The following MANSC4 variants were observed in gnomAD, a reference collection of about 807,000 sequenced individuals.
MANSC4 encodes the protein MANSC domain containing 4, also known as MANSC domain-containing protein 4.
Under a neutral mutation model 11.4 loss-of-function variants are expected in MANSC4, and 11 were observed. The observed-to-expected ratio is 0.97, with a 90% CI of 0.61 to 1.60. The LOEUF (loss-of-function observed/expected upper bound fraction) is 1.60, where lower values mean the gene tolerates loss of function less well. Ranked by LOEUF, MANSC4 falls within the 40% of genes most tolerant of loss-of-function variation. The pLI is 0.00. For missense variants in MANSC4, 354 were observed against 404.6 expected (o/e 0.88, Z 1.07); for synonymous variants, 123 against 147.1 (o/e 0.84, Z 1.19).
intron 1 of MANSC4, among the ~76,000 whole-genome samples, chr12:27,776,583 A>T (rs1238916270): frequency 6.6e-6 from 1 of 151,958 alleles, no homozygotes; most frequent in Non-Finnish European, 1.5e-5. Flanking sequence ...TGTAAGAATT[A>T]ACCGGGCATA....
Position 27,771,497 on chromosome 12 carries a change from C to T in MANSC4, c.-221G>A, listed in dbSNP as rs1014775665. Reference sequence around the variant, plus strand: ...GGTGAACATTTGATTTGCTGGCATTCTTTCTGAACACTTTCCAGGCTATTT... The same window carrying T: ...GGTGAACATTTGATTTGCTGGCATTTTTTCTGAACACTTTCCAGGCTATTT... On this transcript the variant is annotated 5_prime_UTR_variant, in exon 2 of 4. Coordinates refer to ENST00000381273, the MANE Select transcript of MANSC4 (RefSeq NM_001146221.5). Among the ~76,000 whole-genome samples, 1 of 152,220 alleles carries T rather than the reference C, an allele frequency of 6.6e-6. No individual in the cohort carries two copies. Among genetic ancestry groups the T allele is most frequent in the African/African-American group, 2.4e-5 (1 of 41,472 alleles).
At position 27,762,887 on chromosome 12, in the gene MANSC4, A is replaced by G; in HGVS notation, c.874T>C (p.Cys292Arg). 1 of 1,552,168 alleles carries G rather than the reference A, an allele frequency of 6.4e-7. No homozygotes were observed. The highest frequency in any genetic ancestry group is 2.4e-5 in the East Asian group (1 of 40,924). Residue 292 changes from cysteine to arginine, a missense_variant, in exon 4 of 4, where the codon TGC becomes CGC. Cys to Arg is a radical substitution (Grantham distance 180, BLOSUM62 -3). Transcript: ENST00000381273. The stretch of plus-strand genomic sequence containing the variant: ...CAGCCGAGAAAGATGACAGAGGTGC[A>G]AAGGGCCACAGAAACCAGCCAAGTC... ...SKTWLVSVAL[C>R]TSVIFLGCCI...
chr12:27,766,432 G>C (rs535096937), intron 3 of MANSC4, among the ~76,000 whole-genome samples: 2 of 152,288 alleles, frequency 1.3e-5, no homozygotes, highest in South Asian at 4.1e-4. Flanking sequence ...GTAAGCTCTT[G>C]TTCAATCATG....
chr12:27,773,655 C>T lies in MANSC4; in HGVS notation c.-306-2073G>A, dbSNP rs530614828. Among the ~76,000 whole-genome samples the T allele has an allele frequency of 2.0e-5, 3 of 152,270 alleles. No individual in the cohort carries two copies. The South Asian group carries it at 6.2e-4, about 32-fold the overall frequency. On this transcript the variant is annotated intron_variant, in intron 1 of 3. Transcript: ENST00000381273. Reference sequence around the variant, plus strand: ...GTGGAGAGTGACATTCTTATTTTTACAAGAGTCCCAGGTGATTTCCTAAGA... The same window carrying T: ...GTGGAGAGTGACATTCTTATTTTTATAAGAGTCCCAGGTGATTTCCTAAGA...
chr12:27,765,912 C>T (rs2062070371), intron 3 of MANSC4, among the ~76,000 whole-genome samples: 1 of 152,148 alleles, frequency 6.6e-6, no homozygotes, highest in African/African-American at 2.4e-5. Context: ...CACTGGTTAT[C>T]TTGGGACCAA....
chr12:27,776,203 T>C (rs941303763), intron 1 of MANSC4, among the ~76,000 whole-genome samples: 1 of 152,160 alleles, frequency 6.6e-6, no homozygotes, highest in Non-Finnish European at 1.5e-5. Flanking sequence ...TACTCTGCAC[T>C]TCAGCTTCCT....
intron 2 of MANSC4, among the ~76,000 whole-genome samples, chr12:27,768,442 A>G (rs1031889448): frequency 6.7e-6 from 1 of 148,826 alleles, no homozygotes; most frequent in South Asian, 2.1e-4. Flanking sequence ...AAAGAAAAAG[A>G]AAAAGAAAAT....
At position 27,766,694 on chromosome 12, in the gene MANSC4, G is replaced by A; in HGVS notation, c.335C>T (p.Thr112Ile). The change falls in exon 3 of 4, where the codon ACC becomes ATC. Residue 112 changes from threonine (T) to isoleucine (I), a missense_variant. Transcript: ENST00000381273. ...TGTTATGTTGTACAAAATGGCACTG[G>A]TTCCAGGCTCTAATATGCAGCTCTC... ...TLESCILEPGTSAILYNITDG... is the reference protein window; with the variant it reads ...TLESCILEPGISAILYNITDG... The A allele has an allele frequency of 2.6e-6, 4 of 1,551,660 alleles. No homozygotes were observed. The highest frequency in any genetic ancestry group is 2.4e-5 in the East Asian group (1 of 40,916).
Position 27,763,343 on chromosome 12 carries a change from G to A in MANSC4, c.418C>T (p.Arg140Cys), listed in dbSNP as rs982110968. ...CTGTCCCATCTATTGGATGAAGAAC[G>A]AGTATTTAGATATGTGGGAGATTGT... ...FEQSPTYLNT[R>C]SSSNRWDRLR... Residue 140 changes from arginine (R) to cysteine (C), a missense_variant, in exon 4 of 4, where the codon CGT becomes TGT. Physicochemically the swap from Arg to Cys is radical, Grantham distance 180 (BLOSUM62 -3). Transcript: ENST00000381273. The A allele has an allele frequency of 1.1e-5, 17 of 1,551,770 alleles. No homozygotes were observed. The African/African-American group carries it at 1.4e-4, about 12-fold the overall frequency.
At chr12:27,775,136 G>A (rs2062114920) in intron 1 of MANSC4, among the ~76,000 whole-genome samples, 1 of 152,200 alleles carries the variant, frequency 6.6e-6, no homozygotes. Flanking sequence ...AAAGCGGCCT[G>A]TCTGGGGATT....
chr12:27,771,733 T>G (rs1160189475), intron 1 of MANSC4, among the ~76,000 whole-genome samples, 151 bp from the exon 2 acceptor site: 1 of 152,218 alleles, frequency 6.6e-6, no homozygotes. Context: ...AGACATGATT[T>G]TGTGAGGGCA....
chr12:27,767,443 C>T (rs1405890384), intron 2 of MANSC4, among the ~76,000 whole-genome samples: 1 of 152,106 alleles, frequency 6.6e-6, no homozygotes, highest in Non-Finnish European at 1.5e-5. Flanking sequence ...GTGGCTCATT[C>T]CCGTAACCCC....
chr12:27,765,581 G>T (rs1407747145), intron 3 of MANSC4, among the ~76,000 whole-genome samples: 1 of 152,022 alleles, frequency 6.6e-6, no homozygotes, highest in Non-Finnish European at 1.5e-5. Flanking sequence ...CTCTGAATAC[G>T]CTGACTTTCA....
At position 27,763,391 on chromosome 12, in the gene MANSC4, C is replaced by G. The variant is rs763122718; in HGVS notation, c.370G>C (p.Asp124His). ...AILYNITDGI[D>H]PDLLVFEQSP... ...TGTTCAAAAACCAGCAAATCCGGAT[C>G]TATACCTGAAAAATAAATAAGGCAT... is the stretch of plus-strand genomic sequence containing the variant. The change falls in exon 4 of 4, where the codon GAT becomes CAT. Residue 124 changes from aspartate to histidine, a missense_variant. By Grantham distance (81) the Asp-to-His change is moderately conservative. Coordinates refer to ENST00000381273, the MANE Select transcript of MANSC4 (RefSeq NM_001146221.5). 2 of 1,537,738 alleles carry G rather than the reference C, an allele frequency of 1.3e-6. No homozygotes were observed. Among genetic ancestry groups the G allele is most frequent in the African/African-American group, 1.4e-5 (1 of 72,474 alleles).
At chr12:27,768,273 C>T (rs1315051741) in intron 2 of MANSC4, among the ~76,000 whole-genome samples, 3 of 151,428 alleles carry the variant, frequency 2.0e-5, no homozygotes, top group East Asian at 1.9e-4. Context: ...CATGGTGGCA[C>T]GCATCTGTAA....
At chr12:27,763,500 G>A (rs2062057853) in intron 3 of MANSC4, 104 bp from the exon 4 acceptor site, 7 of 1,050,086 alleles carry the variant, frequency 6.7e-6, no homozygotes, top group Middle Eastern at 2.2e-4. Context: ...ATGAGTTATC[G>A]AACGAAGCTA....
At chr12:27,773,744 T>A (rs760049041) in intron 1 of MANSC4, among the ~76,000 whole-genome samples, 10 of 152,218 alleles carry the variant, frequency 6.6e-5, no homozygotes, top group Non-Finnish European at 1.5e-5. Context: ...TAAACAACGA[T>A]GCTCAACCTA....
In MANSC4 at chr12:27,762,538, A is replaced by G. The variant is rs2062051416; in HGVS notation, c.*200T>C. On this transcript the variant is annotated 3_prime_UTR_variant, in exon 4 of 4. Coordinates refer to ENST00000381273, the MANE Select transcript of MANSC4 (RefSeq NM_001146221.5). ...TTAAATTATTTTTCATTTTATAGAG[A>G]CAGAGTCTCACTATGTTGCCCAGGC... Among the ~76,000 whole-genome samples the G allele has an allele frequency of 6.6e-6, 1 of 151,846 alleles. No homozygotes were observed. Among genetic ancestry groups the G allele is most frequent in the South Asian group, 2.1e-4 (1 of 4,808 alleles).
chr12:27,763,402 A>G lies in MANSC4; in HGVS notation c.365-6T>C. 2 of 1,530,478 alleles carry G rather than the reference A, an allele frequency of 1.3e-6. No homozygotes were observed. Among genetic ancestry groups the G allele is most frequent in the Non-Finnish European group, 1.8e-6 (2 of 1,137,522 alleles). 94.8% of individuals were successfully genotyped at this position (1,530,478 alleles called of 1,614,324 possible). Reference sequence around the variant, plus strand: ...CAGCAAATCCGGATCTATACCTGAAAAATAAATAAGGCATCATTCATTTTA... The same window carrying G: ...CAGCAAATCCGGATCTATACCTGAAGAATAAATAAGGCATCATTCATTTTA... On this transcript the variant is annotated splice_region_variant and splice_polypyrimidine_tract_variant and intron_variant, in intron 3 of 3. Transcript: ENST00000381273.
Sources: allele counts gnomAD v4.1 joint callset (sites outside exome capture counted in the v4.1 genomes callset), GRCh38; gene constraint gnomAD v4.1.1; transcripts MANE v1.5; gene names NCBI Gene and HGNC (gene_info 2026-07-23, HGNC 2026-07-21).